The following GMPR2 variants were observed in gnomAD, a reference collection of about 807,000 sequenced individuals.
GMPR2 encodes guanosine monophosphate reductase 2.
In GMPR2, 32 loss-of-function variants were observed where a neutral mutation model predicts 38.5. The ratio of observed to expected loss-of-function variants is 0.83; its 90% CI spans 0.63 to 1.12. The LOEUF (loss-of-function observed/expected upper bound fraction) is 1.12, where lower values mean the gene tolerates loss of function less well. GMPR2 is among the 50% of genes most tolerant of loss of function. The probability of loss-of-function intolerance (pLI) is 0.00; values close to 1 mark genes in which losing one functional copy is unlikely to be tolerated. For synonymous variants in GMPR2, 154 were observed against 151.0 expected (o/e 1.02, Z -0.15); for missense variants, 396 against 432.1 (o/e 0.92, Z 0.74).
chr14:24,237,232 ATGTTCTTCC>A lies in GMPR2; in HGVS notation c.548-11_548-3del. ...GGAGCACGTCATTCTTACCCTTATCATGTTCTTCCTAGGCTCTGTGTGTACTACTCGGAA... is the reference window on the plus strand; with the variant it reads ...GGAGCACGTCATTCTTACCCTTATCATAGGCTCTGTGTGTACTACTCGGAA... On this transcript the variant is annotated splice_region_variant and splice_polypyrimidine_tract_variant and intron_variant, in intron 6 of 9. Coordinates refer to ENST00000399440, the MANE Select transcript of GMPR2 (RefSeq NM_001002002.3). 1.9e-6 allele frequency: 3 copies of A among 1,583,930 alleles called. No individual in the cohort carries two copies. The highest frequency in any genetic ancestry group is 2.6e-6 in the Non-Finnish European group (3 of 1,152,558).
At position 24,237,182 on chromosome 14, in the gene GMPR2, C is replaced by T. The variant is rs769613390; in HGVS notation, c.547+30C>T. On this transcript the variant is annotated intron_variant, in intron 6 of 9. Transcript: ENST00000399440. ...GCTGGTTCATTGGGGCCACTGGCTA[C>T]CCCCCTTCAGTGGCAAACACCTGTG... 6 of 1,537,294 alleles carry T rather than the reference C, an allele frequency of 3.9e-6. No homozygotes were observed. The South Asian group carries it at 4.5e-5, about 11-fold the overall frequency.
At chr14:24,235,539 T>C (rs1029735748) in intron 3 of GMPR2, 198 bp from the exon 4 acceptor site, 32 of 598,294 alleles carry the variant, frequency 5.3e-5, no homozygotes, top group Non-Finnish European at 9.2e-5. Context: ...TGACAAGTAC[T>C]AGCTTATGGT....
rs2040400486 is a variant in GMPR2 at position 24,237,427 on chromosome 14, C to G, written c.654+76C>G. The G allele has an allele frequency of 6.0e-6, 9 of 1,506,272 alleles. No individual in the cohort carries two copies. The South Asian group carries it at 7.9e-5, about 13-fold the overall frequency. The allele number at this position is 1,506,272 out of a possible 1,614,324, so 93.3% of individuals were successfully genotyped here. On this transcript the variant is annotated intron_variant, in intron 7 of 9. Transcript: ENST00000399440. ...GAGGTGGCAGAGATGGATTAGAATT[C>G]CTGGGTTCTTGTTGGCTTTGAGTTG...
Position 24,237,272 on chromosome 14 carries a change from C to G in GMPR2, c.575C>G (p.Thr192Ser), listed in dbSNP as rs765511797. The G allele has an allele frequency of 6.2e-7, 1 of 1,611,296 alleles. No homozygotes were observed. Among genetic ancestry groups the G allele is most frequent in the Non-Finnish European group, 8.5e-7 (1 of 1,177,422 alleles). The change falls in exon 7 of 10, where the codon ACT becomes AGT. Residue 192 changes from threonine (T) to serine (S), a missense_variant. Coordinates refer to ENST00000399440, the MANE Select transcript of GMPR2 (RefSeq NM_001002002.3). ...TCTGTGTGTACTACTCGGAAGAAAA[C>G]TGGAGTGGGGTATCCACAGCTCAGC... ...PGSVCTTRKKTGVGYPQLSAV... is the reference protein window; with the variant it reads ...PGSVCTTRKKSGVGYPQLSAV...
intron 1 of GMPR2, 68 bp downstream of exon 1, chr14:24,233,045 G>C (rs1011379689): frequency 1.4e-6 from 1 of 723,244 alleles, no homozygotes; most frequent in African/African-American, 1.8e-5. Flanking sequence ...AACAGTACCT[G>C]GGATGGAGCC....
intron 3 of GMPR2, chr14:24,234,255 T>G (rs971080754): frequency 2.9e-5 from 37 of 1,288,058 alleles, no homozygotes; most frequent in Non-Finnish European, 3.6e-5. Flanking sequence ...GAGAGTTATC[T>G]GGGCACTTTG....
In GMPR2 at chr14:24,239,148, C is replaced by T. The variant is rs1470145777; in HGVS notation, c.*370C>T. 15 of 386,048 alleles carry T rather than the reference C, an allele frequency of 3.9e-5. No individual in the cohort carries two copies. The highest frequency in any genetic ancestry group is 1.0e-4 in the Admixed American group (3 of 29,844). The allele number at this position is 386,048 out of a possible 1,614,324, so 23.9% of individuals were successfully genotyped here. On this transcript the variant is annotated 3_prime_UTR_variant, in exon 10 of 10. Transcript: ENST00000399440. ...CTTTTAGAATCATGTTTTGTTAATC[C>T]GCTTCACTAAATTGGACCTTCACAT...
Position 24,233,217 on chromosome 14 carries a change from A to T in GMPR2, c.-35-2A>T. 6.2e-7 allele frequency: 1 copy of T among 1,613,530 alleles called. No individual in the cohort carries two copies. The highest frequency in any genetic ancestry group is 8.5e-7 in the Non-Finnish European group (1 of 1,180,024). On this transcript the variant is annotated splice_acceptor_variant, in intron 1 of 9. Coordinates refer to ENST00000399440, the MANE Select transcript of GMPR2 (RefSeq NM_001002002.3). LOFTEE classifies it low-confidence loss of function (5UTR_SPLICE). Reference sequence around the variant, plus strand: ...TGGTCCTTATGACTTCCTGCCTTCCAGCCCTCAGATTCATCGCTACCCCGA... The same window carrying T: ...TGGTCCTTATGACTTCCTGCCTTCCTGCCCTCAGATTCATCGCTACCCCGA...
At chr14:24,237,823 G>C (rs2040419812) in intron 8 of GMPR2, 1 of 548,298 alleles carries the variant, frequency 1.8e-6, no homozygotes, top group Non-Finnish European at 3.2e-6. Flanking sequence ...CCTAAAAATA[G>C]GCTCTGAGGA....
In GMPR2 at chr14:24,239,004, A is replaced by G. The variant is rs1424202559; in HGVS notation, c.*226A>G. ...AGGAAGCAAACAGTCTGAGAAAATG[A>G]TGCAAGAAAATCAAATGGGAATCTG... On this transcript the variant is annotated 3_prime_UTR_variant, in exon 10 of 10. Transcript: ENST00000399440. The G allele has an allele frequency of 3.2e-6, 2 of 624,522 alleles. No homozygotes were observed. The highest frequency in any genetic ancestry group is 2.1e-5 in the Admixed American group (1 of 47,508). The allele number at this position is 624,522 out of a possible 1,614,324, so 38.7% of individuals were successfully genotyped here.
chr14:24,235,856 C>A, intron 4 of GMPR2, 36 bp downstream of exon 4: 1 of 1,591,830 alleles, frequency 6.3e-7, no homozygotes, highest in Non-Finnish European at 8.6e-7. Flanking sequence ...TTCCTTATCC[C>A]AGTTTTCCAG....
In GMPR2 at chr14:24,239,037, AAC is replaced by A. The variant is rs1423871022; in HGVS notation, c.*263_*264del. 1 of 578,992 alleles carries A rather than the reference AAC, an allele frequency of 1.7e-6. No individual in the cohort carries two copies. The highest frequency in any genetic ancestry group is 3.3e-6 in the Non-Finnish European group (1 of 306,898). 35.9% of individuals were successfully genotyped at this position (578,992 alleles called of 1,614,324 possible). The stretch of plus-strand genomic sequence containing the variant: ...AAATCAAATGGGAATCTGGGGACCC[AAC>A]ACAACATCCTGAAGATTATTAAAAG... On this transcript the variant is annotated 3_prime_UTR_variant, in exon 10 of 10. Transcript: ENST00000399440.
intron 3 of GMPR2, among the ~76,000 whole-genome samples, chr14:24,234,643 T>A (rs2040250216): frequency 6.6e-6 from 1 of 152,178 alleles, no homozygotes; most frequent in Non-Finnish European, 1.5e-5. Flanking sequence ...GGTAAAGAAA[T>A]CAGGTTTTAG....
rs766303224 is a variant in GMPR2 at position 24,238,223 on chromosome 14, T to TC, written c.698-17dup. 1.0e-5 allele frequency: 16 copies of TC among 1,593,572 alleles called. No homozygotes were observed. The South Asian group carries it at 1.4e-4, about 14-fold the overall frequency. ...AGCACCTTGGCCAGATTAATCTCTTTCCCCCCTCCATGATGGTGGCAGGGG... is the reference window on the plus strand; with the variant it reads ...AGCACCTTGGCCAGATTAATCTCTTTCCCCCCCTCCATGATGGTGGCAGGGG... On this transcript the variant is annotated intron_variant, in intron 8 of 9. Coordinates refer to ENST00000399440, the MANE Select transcript of GMPR2 (RefSeq NM_001002002.3).
chr14:24,232,789 G>A, upstream of GMPR2: 1 of 237,224 alleles, frequency 4.2e-6, no homozygotes, highest in South Asian at 5.6e-5. Context: ...ATTGCACGAG[G>A]TTAGTTGCTA....
chr14:24,234,899 G>C (rs2040263028), intron 3 of GMPR2, among the ~76,000 whole-genome samples: 1 of 147,186 alleles, frequency 6.8e-6, no homozygotes, highest in South Asian at 2.1e-4. Context: ...TACGTATGTA[G>C]AGCACTTGTT....
At position 24,238,752 on chromosome 14, in the gene GMPR2, A is replaced by G. The variant is rs2138987099; in HGVS notation, c.1021A>G (p.Asn341Asp). 6.2e-7 allele frequency: 1 copy of G among 1,613,774 alleles called. No individual in the cohort carries two copies. The highest frequency in any genetic ancestry group is 1.1e-5 in the South Asian group (1 of 91,058). ...TTFIRVTQQVNPIFSEAC is the reference protein window; with the variant it reads ...TTFIRVTQQVDPIFSEAC ...CTTCATCCGAGTCACCCAGCAGGTGAATCCAATCTTCAGTGAGGCGTGCTA... is the reference window on the plus strand; with the variant it reads ...CTTCATCCGAGTCACCCAGCAGGTGGATCCAATCTTCAGTGAGGCGTGCTA... The change falls in exon 10 of 10, where the codon AAT becomes GAT. Residue 341 changes from asparagine (N) to aspartate (D), a missense_variant. Physicochemically the swap from Asn to Asp is conservative, Grantham distance 23 (BLOSUM62 1). Coordinates refer to ENST00000399440, the MANE Select transcript of GMPR2 (RefSeq NM_001002002.3).
At chr14:24,238,517 A>G (rs572829630) in intron 9 of GMPR2, 72 bp from the exon 10 acceptor site, 3 of 1,614,018 alleles carry the variant, frequency 1.9e-6, no homozygotes, top group East Asian at 2.2e-5. Context: ...GCTCAATGCT[A>G]GGGTCTGTGG....
In GMPR2 at chr14:24,238,723, CT is replaced by C; in HGVS notation, c.993del (p.Thr332ProfsTer9). 6.2e-7 allele frequency: 1 copy of C among 1,614,050 alleles called. No individual in the cohort carries two copies. The highest frequency in any genetic ancestry group is 8.5e-7 in the Non-Finnish European group (1 of 1,179,962). On this transcript the variant is annotated frameshift_variant, in exon 10 of 10. Coordinates refer to ENST00000399440, the MANE Select transcript of GMPR2 (RefSeq NM_001002002.3). LOFTEE classifies it high-confidence loss of function. Reference sequence around the variant, plus strand: ...AAGCTCAAAGAGTTGAGCAGGAGAACTACCTTCATCCGAGTCACCCAGCAGG... The same window carrying C: ...AAGCTCAAAGAGTTGAGCAGGAGAACACCTTCATCCGAGTCACCCAGCAGG... ...AAKLKELSRR[T>X]TFIRVTQQVN...
Sources: gnomAD v4.1 joint callset for allele counts (sites outside exome capture counted in the v4.1 genomes callset) on GRCh38, gnomAD v4.1.1 for gene constraint, MANE v1.5 for transcripts, NCBI Gene and HGNC (gene_info 2026-07-23, HGNC 2026-07-21) for gene names.